CEP41: variants seen among roughly 807,000 people sequenced by gnomAD.
CEP41 encodes the protein centrosomal protein 41, also known as centrosomal protein of 41 kDa.
A neutral mutation model predicts 44.3 loss-of-function variants in CEP41; 32 were observed. That is an observed-to-expected ratio of 0.72 (90% CI 0.54 to 0.97). The LOEUF (loss-of-function observed/expected upper bound fraction) is 0.97, where lower values mean the gene tolerates loss of function less well. Ranked by LOEUF, CEP41 falls within the 50% of genes least tolerant of loss-of-function variation. The pLI is 0.00. For synonymous variants in CEP41, 151 were observed against 168.5 expected (o/e 0.90, Z 0.80); for missense variants, 432 against 455.2 (o/e 0.95, Z 0.46).
intron 5 of CEP41, 91 bp downstream of exon 5, chr7:130,411,031 T>G: frequency 9.3e-7 from 1 of 1,080,750 alleles, no homozygotes; most frequent in Middle Eastern, 2.0e-4. Context: ...AAAGTCCCAG[T>G]CCCTGGGAAC....
In CEP41 at chr7:130,428,091, TA is replaced by T; in HGVS notation, c.34-74del. On this transcript the variant is annotated intron_variant, in intron 1 of 10. Coordinates refer to ENST00000223208, the MANE Select transcript of CEP41 (RefSeq NM_018718.3). ...CGATAAGGTAAAGTCAGGAGTCAGA[TA>T]CTTTAAAAATGGAAAAAAAGTGCTA... 3 of 1,080,724 alleles carry T rather than the reference TA, an allele frequency of 2.8e-6. No homozygotes were observed. The Middle Eastern group carries it at 6.6e-4, about 236-fold the overall frequency. The allele number at this position is 1,080,724 out of a possible 1,614,324, so 66.9% of individuals were successfully genotyped here.
chr7:130,411,196 T>C lies in CEP41; in HGVS notation c.208-5A>G, dbSNP rs11765434. The C allele has an allele frequency of 6.0e-3, 9,616 of 1,611,796 alleles. 53 individuals carry two copies. Among genetic ancestry groups the C allele is most frequent in the Middle Eastern group, 0.01 (61 of 6,058 alleles). Reference sequence around the variant, plus strand: ...GAGGGAAGCAACTTGGATGATCTGATAGAAAAAAGAATGAAATGTGTGGAT... The same window carrying C: ...GAGGGAAGCAACTTGGATGATCTGACAGAAAAAAGAATGAAATGTGTGGAT... On this transcript the variant is annotated splice_polypyrimidine_tract_variant and splice_region_variant and intron_variant, in intron 4 of 10. Transcript: ENST00000223208.
intron 3 of CEP41, 84 bp downstream of exon 3, chr7:130,416,835 G>T: frequency 9.4e-7 from 1 of 1,061,258 alleles, no homozygotes; most frequent in Non-Finnish European, 1.5e-6. Context: ...CCTGTCACCT[G>T]TGGAACACAA....
At chr7:130,429,718 T>G (rs1479815006) in intron 1 of CEP41, among the ~76,000 whole-genome samples, 1 of 152,214 alleles carries the variant, frequency 6.6e-6, no homozygotes, top group Non-Finnish European at 1.5e-5. Flanking sequence ...GCAAAATGTA[T>G]GTCCTCTGTA....
rs1562976199 is a variant in CEP41 at position 130,399,050 on chromosome 7, C to A, written c.974-11G>T. On this transcript the variant is annotated splice_polypyrimidine_tract_variant and intron_variant, in intron 10 of 10. Transcript: ENST00000223208. ...CTTGGTTCAGTCGGCCTGAAGGGAG[C>A]AAGAAAGAAGGAACAGAGCTGCAAG... The A allele has an allele frequency of 1.9e-6, 3 of 1,613,518 alleles. No homozygotes were observed. Among genetic ancestry groups the A allele is most frequent in the Non-Finnish European group, 2.5e-6 (3 of 1,180,002 alleles).
intron 2 of CEP41, 146 bp from the exon 3 acceptor site, chr7:130,417,112 A>G: frequency 1.4e-6 from 2 of 1,418,694 alleles, no homozygotes; most frequent in Non-Finnish European, 9.4e-7. Flanking sequence ...GGCCACACAC[A>G]GTAAAATCTT....
chr7:130,421,614 A>G lies in CEP41; in HGVS notation c.98-4648T>C, dbSNP rs1318783093. ...GGAAAAGTAAAGCCTAAAGAAGAAA[A>G]GAGGGAATGAATAGTTTGTCTAGAG... On this transcript the variant is annotated intron_variant, in intron 2 of 10. Coordinates refer to ENST00000223208, the MANE Select transcript of CEP41 (RefSeq NM_018718.3). 3 of 1,003,738 alleles carry G rather than the reference A, an allele frequency of 3.0e-6. No individual in the cohort carries two copies. In the African/African-American group the frequency reaches 5.2e-5, roughly 17 times the overall value. The allele number at this position is 1,003,738 out of a possible 1,614,324, so 62.2% of individuals were successfully genotyped here. A position where few individuals can be genotyped will look rare whatever the true frequency, so the allele number is the denominator to read the frequency against.
chr7:130,400,300 G>T (rs782042120), intron 9 of CEP41, 46 bp from the exon 10 acceptor site: 19 of 1,394,038 alleles, frequency 1.4e-5, no homozygotes, highest in Admixed American at 6.7e-5. Flanking sequence ...ATATGGCAAG[G>T]CCAGGCCAAA....
At chr7:130,432,658 G>A (rs944394428) in intron 1 of CEP41, among the ~76,000 whole-genome samples, 54 of 151,172 alleles carry the variant, frequency 3.6e-4, no homozygotes, top group Non-Finnish European at 6.8e-4. Flanking sequence ...AGCTGCTCGA[G>A]AGGCTGGGGT....
In CEP41 at chr7:130,438,283, C is replaced by T. The variant is rs568944841; in HGVS notation, c.33+2651G>A. The stretch of plus-strand genomic sequence containing the variant: ...ATCAAAATAGTAACTATTGGCAGGG[C>T]GCGGTGGCTCATGCCTGTAATACCA... On this transcript the variant is annotated intron_variant, in intron 1 of 10. Transcript: ENST00000223208. Among the ~76,000 whole-genome samples the T allele has an allele frequency of 3.2e-4, 49 of 152,274 alleles. 1 individual carries two copies. The highest frequency in any genetic ancestry group is 3.4e-3 in the Middle Eastern group (1 of 294).
In CEP41 at chr7:130,394,977, C is replaced by T. The variant is rs1554413914; in HGVS notation, c.*3914G>A. ...GGTGAGAATTTGCTTCTGTACAGAACAAAGAGGATCAGCAACAGAGAGGGG... is the reference window on the plus strand; with the variant it reads ...GGTGAGAATTTGCTTCTGTACAGAATAAAGAGGATCAGCAACAGAGAGGGG... On this transcript the variant is annotated 3_prime_UTR_variant, in exon 11 of 11. Coordinates refer to ENST00000223208, the MANE Select transcript of CEP41 (RefSeq NM_018718.3). The T allele has an allele frequency of 2.2e-6, 1 of 454,072 alleles. No homozygotes were observed. Among genetic ancestry groups the T allele is most frequent in the African/African-American group, 2.0e-5 (1 of 50,110 alleles). The allele number at this position is 454,072 out of a possible 1,614,324, so 28.1% of individuals were successfully genotyped here. A position where few individuals can be genotyped will look rare whatever the true frequency, so the allele number is the denominator to read the frequency against.
rs782784790 is a variant in CEP41, at chr7:130,396,074, C to T, written c.*2817G>A. 9 of 453,996 alleles carry T rather than the reference C, an allele frequency of 2.0e-5. No homozygotes were observed. The highest frequency in any genetic ancestry group is 1.4e-4 in the South Asian group (9 of 64,454). 28.1% of individuals were successfully genotyped at this position (453,996 alleles called of 1,614,324 possible). On this transcript the variant is annotated 3_prime_UTR_variant, in exon 11 of 11. Transcript: ENST00000223208. ...TCTCTGCCCTCCCTTCTTCCCATTT[C>T]CTTGCTTCTTTCTCCCTTCCTTTCT...
At position 130,404,599 on chromosome 7, in the gene CEP41, T is replaced by C. The variant is rs1554417795; in HGVS notation, c.387A>G (p.Ala129=). 6.2e-7 allele frequency: 1 copy of C among 1,613,684 alleles called. No individual in the cohort carries two copies. The highest frequency in any genetic ancestry group is 1.3e-5 in the African/African-American group (1 of 74,918). ...TTGAGCGGCTGGAGTCCCCTGCTCCTGCGTTGTTTATGAACTGCTCAGGGC... is the reference window on the plus strand; with the variant it reads ...TTGAGCGGCTGGAGTCCCCTGCTCCCGCGTTGTTTATGAACTGCTCAGGGC... ...SPSPEQFINN[A]GAGDSSRSTL... is the part of the protein sequence containing the mutation. Residue 129 remains alanine (A), a synonymous_variant, in exon 6 of 11, where the codon GCA becomes GCG. Coordinates refer to ENST00000223208, the MANE Select transcript of CEP41 (RefSeq NM_018718.3).
At chr7:130,440,861 T>C (rs201940612) in intron 1 of CEP41, 73 bp downstream of exon 1, 42 of 1,432,258 alleles carry the variant, frequency 2.9e-5, no homozygotes, top group Non-Finnish European at 2.8e-6. Flanking sequence ...CGCTGGCTGC[T>C]CTTCCCTGCC....
At chr7:130,428,746 T>C (rs544298128) in intron 1 of CEP41, among the ~76,000 whole-genome samples, 25 of 151,844 alleles carry the variant, frequency 1.6e-4, no homozygotes, top group Non-Finnish European at 3.2e-4. Flanking sequence ...ACCCCTTCTC[T>C]ACTAAAAATA....
intron 1 of CEP41, among the ~76,000 whole-genome samples, chr7:130,435,869 T>C (rs1554426034): frequency 2.0e-5 from 3 of 152,168 alleles, no homozygotes. Context: ...AAAACTGCTG[T>C]ACAGGCCAGG....
intron 6 of CEP41, among the ~76,000 whole-genome samples, chr7:130,403,390 C>T (rs1407879113): frequency 1.3e-5 from 2 of 152,084 alleles, no homozygotes; most frequent in Admixed American, 1.3e-4. Context: ...TAGAATGAGG[C>T]AGAGGAAGAG....
chr7:130,402,852 A>C, intron 6 of CEP41, 53 bp from the exon 7 acceptor site: 1 of 1,580,986 alleles, frequency 6.3e-7, no homozygotes, highest in Non-Finnish European at 8.7e-7. Context: ...GGTGGCTTAA[A>C]GGTCGAACGT....
chr7:130,408,078 G>A (rs1430101487), intron 5 of CEP41, among the ~76,000 whole-genome samples: 1 of 152,124 alleles, frequency 6.6e-6, no homozygotes, highest in Non-Finnish European at 1.5e-5. Flanking sequence ...CCGAAGACAT[G>A]CAGGCCCTCC....
Sources: gnomAD v4.1 joint callset for allele counts (sites outside exome capture counted in the v4.1 genomes callset) on GRCh38, gnomAD v4.1.1 for gene constraint, MANE v1.5 for transcripts, NCBI Gene and HGNC (gene_info 2026-07-23, HGNC 2026-07-21) for gene names.